The following SDK1 variants were observed in gnomAD, a reference collection of about 807,000 sequenced individuals.
SDK1 encodes protein sidekick-1.
Under a neutral mutation model 245.5 loss-of-function variants are expected in SDK1, and 157 were observed. That is an observed-to-expected ratio of 0.64 (90% CI 0.56 to 0.73). SDK1 has a LOEUF of 0.73. Among genes scored for constraint, SDK1 ranks in the 30% least tolerant of loss-of-function variants. SDK1 has a pLI of 0.00. For missense variants in SDK1, 3,583 were observed against 3,002.3 expected, an observed-to-expected ratio of 1.19 and a Z score of -4.52; for synonymous variants, 1,647 against 1,278.5, an observed-to-expected ratio of 1.29 and a Z score of -6.15.
intron 22 of SDK1, among the ~76,000 whole-genome samples, chr7:4,092,834 G>A (rs1020022949): frequency 4.6e-5 from 7 of 152,216 alleles, no homozygotes; most frequent in African/African-American, 1.4e-4. Context: ...CTCTGTGAAC[G>A]TGAGCCCAGG....
intron 1 of SDK1, among the ~76,000 whole-genome samples, chr7:3,534,921 C>T (rs1217913971): frequency 1.3e-5 from 2 of 152,136 alleles, no homozygotes; most frequent in Admixed American, 6.5e-5. Flanking sequence ...CAAGACAGCG[C>T]CAGTCAGTGG....
chr7:4,086,153 C>T (rs548259657), intron 22 of SDK1, among the ~76,000 whole-genome samples: 15 of 152,264 alleles, frequency 9.9e-5, no homozygotes, highest in African/African-American at 3.4e-4. Flanking sequence ...GACAGCACAT[C>T]CTGAATACCC....
chr7:3,782,921 A>C (rs1780789040), intron 4 of SDK1, among the ~76,000 whole-genome samples: 2 of 152,324 alleles, frequency 1.3e-5, no homozygotes, highest in South Asian at 4.1e-4. Context: ...ACATTATAAG[A>C]AAGAGAGTTA....
intron 4 of SDK1, among the ~76,000 whole-genome samples, chr7:3,687,764 A>C (rs1285844015): frequency 6.6e-6 from 1 of 152,148 alleles, no homozygotes; most frequent in Non-Finnish European, 1.5e-5. Flanking sequence ...AGAAAGTAAC[A>C]CAAGAGGTCC....
intron 4 of SDK1, among the ~76,000 whole-genome samples, chr7:3,689,975 A>G (rs1447320942): frequency 6.6e-6 from 1 of 152,238 alleles, no homozygotes; most frequent in Non-Finnish European, 1.5e-5. Context: ...GTGGAAATGA[A>G]TGTTTTGTAT....
chr7:3,972,078 TC>T (rs775750409), intron 12 of SDK1, among the ~76,000 whole-genome samples: 3 of 104,102 alleles, frequency 2.9e-5, no homozygotes, highest in Non-Finnish European at 3.7e-5. Flanking sequence ...GTGAGGGTTC[TC>T]TTTTTTTTTT....
chr7:3,346,827 ATTTTTTTTTTT>A (rs1163275778), intron 1 of SDK1, among the ~76,000 whole-genome samples: 6 of 16,388 alleles, frequency 3.7e-4, no homozygotes, highest in South Asian at 3.4e-3. Flanking sequence ...ATATATATAT[ATTTTTTTTTTT>A]TTTTTTTTTT....
At chr7:3,830,377 C>T (rs1448381211) in intron 5 of SDK1, among the ~76,000 whole-genome samples, 2 of 152,168 alleles carry the variant, frequency 1.3e-5, no homozygotes, top group African/African-American at 4.8e-5. Flanking sequence ...ATCTACCTTC[C>T]CTTCTGTCCC....
At chr7:4,233,538 G>A in intron 41 of SDK1, 119 bp downstream of exon 41, 2 of 965,986 alleles carry the variant, frequency 2.1e-6, no homozygotes, top group Non-Finnish European at 1.5e-6. Context: ...TGGGGTCGAG[G>A]GGGACCCAGG....
At chr7:3,995,437 C>T (rs1784628798) in intron 14 of SDK1, among the ~76,000 whole-genome samples, 1 of 152,112 alleles carries the variant, frequency 6.6e-6, no homozygotes, top group Admixed American at 6.5e-5. Flanking sequence ...ATCTCTTCCT[C>T]TACTTGCGTT....
chr7:4,154,828 C>T (rs1372104351), intron 30 of SDK1, among the ~76,000 whole-genome samples: 1 of 152,062 alleles, frequency 6.6e-6, no homozygotes, highest in African/African-American at 2.4e-5. Context: ...GAAGTGTGAA[C>T]AGAGTGCAGA....
chr7:4,034,679 C>G (rs371384737), intron 17 of SDK1, among the ~76,000 whole-genome samples: 1 of 152,260 alleles, frequency 6.6e-6, no homozygotes, highest in South Asian at 2.1e-4. Flanking sequence ...GGAGTTTATT[C>G]CAAAAATGAA....
At chr7:3,773,876 C>G (rs906064393) in intron 4 of SDK1, among the ~76,000 whole-genome samples, 2 of 152,184 alleles carry the variant, frequency 1.3e-5, no homozygotes, top group African/African-American at 4.8e-5. Context: ...TCTTCAATGT[C>G]TGCTTCCTAA....
intron 5 of SDK1, among the ~76,000 whole-genome samples, chr7:3,844,882 TA>T (rs779525071): frequency 6.6e-6 from 1 of 152,036 alleles, no homozygotes; most frequent in Non-Finnish European, 1.5e-5. Flanking sequence ...CCTCCTGAAT[TA>T]ATCAAACGAC....
intron 4 of SDK1, among the ~76,000 whole-genome samples, chr7:3,684,912 G>T (rs193193330): frequency 6.2e-4 from 94 of 152,200 alleles, no homozygotes; most frequent in Middle Eastern, 3.4e-3. Flanking sequence ...ATGAACTTGA[G>T]GACAGGTCAA....
At chr7:4,097,487 G>A (rs554710685) in intron 22 of SDK1, among the ~76,000 whole-genome samples, 46 of 152,310 alleles carry the variant, frequency 3.0e-4, no homozygotes, top group Non-Finnish European at 6.3e-4. Context: ...ACAGGGCATC[G>A]CACACATGCC....
At chr7:3,680,598 T>G (rs1023675676) in intron 4 of SDK1, among the ~76,000 whole-genome samples, 21 of 152,174 alleles carry the variant, frequency 1.4e-4, no homozygotes, top group African/African-American at 4.8e-4. Flanking sequence ...CATAAGACCT[T>G]TCTGTACAAT....
At chr7:3,336,269 T>C (rs537222860) in intron 1 of SDK1, among the ~76,000 whole-genome samples, 33 of 152,000 alleles carry the variant, frequency 2.2e-4, no homozygotes, top group Non-Finnish European at 4.0e-4. Context: ...GAGCAGAGAG[T>C]TAATCTTTCA....
intron 1 of SDK1, among the ~76,000 whole-genome samples, chr7:3,456,470 T>C (rs1415973522): frequency 1.3e-5 from 2 of 152,248 alleles, no homozygotes; most frequent in Admixed American, 1.3e-4. Flanking sequence ...TCACTGATTT[T>C]ATGCTTTGTT....
Sources: allele counts gnomAD v4.1 joint callset (sites outside exome capture counted in the v4.1 genomes callset), GRCh38; gene constraint gnomAD v4.1.1; transcripts MANE v1.5; gene names NCBI Gene and HGNC (gene_info 2026-07-23, HGNC 2026-07-21).